DNER: variants seen among roughly 807,000 people sequenced by gnomAD.
DNER encodes the protein delta/notch like EGF repeat containing, also known as delta and Notch-like epidermal growth factor-related receptor.
Under a neutral mutation model 78.2 loss-of-function variants are expected in DNER, and 33 were observed. The ratio of observed to expected loss-of-function variants is 0.42; its 90% CI spans 0.32 to 0.56. DNER has a LOEUF of 0.56. Ranked by LOEUF, DNER falls within the 20% of genes least tolerant of loss-of-function variation. The probability of loss-of-function intolerance (pLI) is 0.11; values close to 1 mark genes in which losing one functional copy is unlikely to be tolerated. For synonymous variants in DNER, 417 were observed against 384.8 expected (o/e 1.08, Z -0.98); for missense variants, 918 against 975.3 (o/e 0.94, Z 0.78).
chr2:229,380,958 A>C (rs540555294), intron 11 of DNER, among the ~76,000 whole-genome samples: 22 of 152,168 alleles, frequency 1.4e-4, no homozygotes, highest in African/African-American at 5.1e-4. Flanking sequence ...AAAATAAAAA[A>C]AGAAAACTGG....
At chr2:229,475,744 G>A (rs1695021415) in intron 7 of DNER, among the ~76,000 whole-genome samples, 1 of 152,130 alleles carries the variant, frequency 6.6e-6, no homozygotes, top group South Asian at 2.1e-4. Context: ...ACTTCCAGAG[G>A]CCTGATTGTA....
chr2:229,422,467 C>T (rs539957996), intron 8 of DNER, among the ~76,000 whole-genome samples: 41 of 152,074 alleles, frequency 2.7e-4, no homozygotes, highest in Non-Finnish European at 4.6e-4. Context: ...TTCGGATTGA[C>T]GGGGCACAGC....
intron 4 of DNER, among the ~76,000 whole-genome samples, chr2:229,550,112 C>A (rs2154213305): frequency 6.6e-6 from 1 of 151,830 alleles, no homozygotes; most frequent in Non-Finnish European, 1.5e-5. Context: ...TGTGCCCCAG[C>A]CTCCCAAGTA....
chr2:229,684,101 A>AGT (rs377602119), intron 1 of DNER, among the ~76,000 whole-genome samples: 4,452 of 129,964 alleles, frequency 0.034, 238 homozygotes, highest in African/African-American at 0.12. Flanking sequence ...TACCTACCAG[A>AGT]GTGTGTGTGT....
At chr2:229,407,461 G>T in intron 9 of DNER, 116 bp from the exon 10 acceptor site, 1 of 826,586 alleles carries the variant, frequency 1.2e-6, no homozygotes, top group Non-Finnish European at 1.9e-6. Flanking sequence ...CAGCGTGGGT[G>T]TGTGTGGGTG....
chr2:229,671,749 C>T (rs1185797465), intron 1 of DNER, among the ~76,000 whole-genome samples: 4 of 152,172 alleles, frequency 2.6e-5, no homozygotes, highest in African/African-American at 7.2e-5. Context: ...ACCAAGCTGT[C>T]GGGTTTGATC....
At chr2:229,564,049 AC>A (rs1697040177) in intron 4 of DNER, among the ~76,000 whole-genome samples, 1 of 136,284 alleles carries the variant, frequency 7.3e-6, no homozygotes, top group Non-Finnish European at 1.6e-5. Flanking sequence ...CATCATCAAC[AC>A]CATCACCCCA....
At chr2:229,388,793 A>C (rs1196102910) in intron 10 of DNER, among the ~76,000 whole-genome samples, 1 of 151,670 alleles carries the variant, frequency 6.6e-6, no homozygotes, top group African/African-American at 2.4e-5. Flanking sequence ...ATATTATTAA[A>C]GAAGTCTATT....
chr2:229,415,975 A>C (rs1693642146), intron 9 of DNER, among the ~76,000 whole-genome samples: 1 of 152,176 alleles, frequency 6.6e-6, no homozygotes, highest in South Asian at 2.1e-4. Flanking sequence ...CAAATTGTGT[A>C]TCATCTCCTT....
chr2:229,593,374 C>A (rs1271946136), intron 1 of DNER, among the ~76,000 whole-genome samples: 1 of 152,166 alleles, frequency 6.6e-6, no homozygotes, highest in Non-Finnish European at 1.5e-5. Flanking sequence ...AACACTTTTT[C>A]TCCAGACGTT....
intron 10 of DNER, among the ~76,000 whole-genome samples, chr2:229,399,685 A>C (rs1411444170): frequency 6.6e-6 from 1 of 152,090 alleles, no homozygotes; most frequent in East Asian, 1.9e-4. Flanking sequence ...GAATAGACAC[A>C]TAATCAATGA....
At chr2:229,558,366 C>T (rs752396839) in intron 4 of DNER, among the ~76,000 whole-genome samples, 1 of 151,918 alleles carries the variant, frequency 6.6e-6, no homozygotes, top group African/African-American at 2.4e-5. Context: ...GCACTTGTAC[C>T]CCAGAACTTC....
intron 1 of DNER, among the ~76,000 whole-genome samples, chr2:229,694,318 G>A (rs908551095): frequency 2.0e-5 from 3 of 152,222 alleles, no homozygotes; most frequent in Admixed American, 6.5e-5. Flanking sequence ...GGAAATGTGG[G>A]GTCAGAGACC....
At chr2:229,699,147 A>G (rs546873433) in intron 1 of DNER, among the ~76,000 whole-genome samples, 18 of 152,356 alleles carry the variant, frequency 1.2e-4, no homozygotes, top group African/African-American at 4.1e-4. Context: ...TAATGCCATT[A>G]AAATTAACTT....
chr2:229,432,437 C>T (rs1694027144), intron 8 of DNER, among the ~76,000 whole-genome samples: 1 of 152,002 alleles, frequency 6.6e-6, no homozygotes, highest in African/African-American at 2.4e-5. Flanking sequence ...AAAATAAAAC[C>T]TAGATAATTA....
chr2:229,446,375 C>T (rs1017901574), intron 8 of DNER, among the ~76,000 whole-genome samples: 3 of 151,952 alleles, frequency 2.0e-5, no homozygotes, highest in Non-Finnish European at 2.9e-5. Flanking sequence ...AGGTGACTGT[C>T]GGAACCCAGA....
At chr2:229,497,093 T>C (rs1324682734) in intron 6 of DNER, among the ~76,000 whole-genome samples, 1 of 152,154 alleles carries the variant, frequency 6.6e-6, no homozygotes, top group Non-Finnish European at 1.5e-5. Context: ...TGAAATCACA[T>C]CAATAATATT....
chr2:229,385,555 T>C (rs1692844576), intron 11 of DNER, among the ~76,000 whole-genome samples: 2 of 152,218 alleles, frequency 1.3e-5, no homozygotes, highest in Non-Finnish European at 2.9e-5. Flanking sequence ...GATGACATGA[T>C]TGTATATTTA....
chr2:229,398,459 G>T (rs1236908466), intron 10 of DNER, among the ~76,000 whole-genome samples: 1 of 152,042 alleles, frequency 6.6e-6, no homozygotes, highest in Non-Finnish European at 1.5e-5. Context: ...ATCGGTTGCA[G>T]AAAACGGAAT....
Sources: gnomAD v4.1 joint callset for allele counts (sites outside exome capture counted in the v4.1 genomes callset) on GRCh38, gnomAD v4.1.1 for gene constraint, MANE v1.5 for transcripts, NCBI Gene and HGNC (gene_info 2026-07-23, HGNC 2026-07-21) for gene names.